The following LSMEM2 variants were observed in gnomAD, a reference collection of about 807,000 sequenced individuals.
LSMEM2 encodes the protein leucine rich single-pass membrane protein 2.
A neutral mutation model predicts 17.3 loss-of-function variants in LSMEM2; 20 were observed. The observed-to-expected ratio is 1.16, with a 90% confidence interval of 0.81 to 1.68. LSMEM2 has a LOEUF of 1.68. Ranked by LOEUF, LSMEM2 falls within the 40% of genes most tolerant of loss-of-function variation. The pLI, the probability that LSMEM2 is intolerant of heterozygous loss-of-function variation, is 0.00. For missense variants in LSMEM2, 207 were observed against 214.3 expected, an observed-to-expected ratio of 0.97 and a Z score of 0.21; for synonymous variants, 94 against 97.8, an observed-to-expected ratio of 0.96 and a Z score of 0.23.
At position 50,286,829 on chromosome 3, in the gene LSMEM2, C is replaced by G. The variant is rs1701555375; in HGVS notation, c.328C>G (p.Leu110Val). Residue 110 changes from leucine to valine, a missense_variant, in exon 3 of 4, where the codon CTA becomes GTA. Coordinates refer to ENST00000316436, the MANE Select transcript of LSMEM2 (RefSeq NM_153215.3). The part of the protein sequence containing the change: ...LLLALLVLTC[L>V]VLALLAVYLS... ...GCTCGCGCTGCTGGTGCTCACTTGC[C>G]TAGTGCTCGCACTCCTGGCTGTCTA... 6.2e-7 allele frequency: 1 copy of G among 1,613,844 alleles called. No individual in the cohort carries two copies. Among genetic ancestry groups the G allele is most frequent in the Non-Finnish European group, 8.5e-7 (1 of 1,180,044 alleles).
intron 1 of LSMEM2, among the ~76,000 whole-genome samples, chr3:50,282,465 C>T (rs1405843535): frequency 6.6e-6 from 1 of 152,172 alleles, no homozygotes; most frequent in Non-Finnish European, 1.5e-5. Context: ...CACCCTTGCT[C>T]CTATCTGGAG....
intron 1 of LSMEM2, 22 bp from the exon 2 acceptor site, chr3:50,286,449 T>G: frequency 6.4e-7 from 1 of 1,574,236 alleles, no homozygotes; most frequent in Non-Finnish European, 8.6e-7. Flanking sequence ...ACTGGCTAAA[T>G]CAGCCTGCGC....
chr3:50,280,796 T>C (rs1701377171), intron 1 of LSMEM2, among the ~76,000 whole-genome samples: 1 of 151,912 alleles, frequency 6.6e-6, no homozygotes. Context: ...GGTTTCACTG[T>C]GTTAGCCGGC....
intron 1 of LSMEM2, among the ~76,000 whole-genome samples, chr3:50,285,945 C>CAA (rs1473234959): frequency 6.6e-6 from 1 of 151,798 alleles, no homozygotes; most frequent in Non-Finnish European, 1.5e-5. Flanking sequence ...AACAGTATAA[C>CAA]AAAGAAGGGT....
chr3:50,287,803 A>T lies in LSMEM2; in HGVS notation c.*601A>T, dbSNP rs1701584679. ...TCCTTAAAAATCAGCACACAAATCC[A>T]TTCCAGGTAGCTTTGCCACCCCACC... On this transcript the variant is annotated 3_prime_UTR_variant, in exon 4 of 4. Transcript: ENST00000316436. The T allele has an allele frequency of 4.0e-6, 1 of 249,904 alleles. No homozygotes were observed. 15.5% of individuals were successfully genotyped at this position (249,904 alleles called of 1,614,324 possible). A position where few individuals can be genotyped will look rare whatever the true frequency, so the allele number is the denominator to read the frequency against.
chr3:50,281,929 G>A (rs1701410384), intron 1 of LSMEM2, among the ~76,000 whole-genome samples: 1 of 151,924 alleles, frequency 6.6e-6, no homozygotes, highest in Non-Finnish European at 1.5e-5. Flanking sequence ...TTGGATCACT[G>A]CAAGCTCCGC....
At chr3:50,280,905 C>T (rs1045120734) in intron 1 of LSMEM2, among the ~76,000 whole-genome samples, 1 of 151,772 alleles carries the variant, frequency 6.6e-6, no homozygotes, top group Non-Finnish European at 1.5e-5. Flanking sequence ...CCACCTTGGC[C>T]TTTCAAAGTG....
intron 1 of LSMEM2, among the ~76,000 whole-genome samples, chr3:50,286,235 G>A (rs1408474878): frequency 6.6e-6 from 1 of 152,182 alleles, no homozygotes; most frequent in East Asian, 1.9e-4. Context: ...TCCCTGGGGT[G>A]CTTGGAAGGA....
Position 50,288,019 on chromosome 3 carries a change from G to A in LSMEM2, c.*817G>A. 3.2e-6 allele frequency: 2 copies of A among 624,860 alleles called. No homozygotes were observed. Among genetic ancestry groups the A allele is most frequent in the South Asian group, 3.6e-5 (2 of 55,056 alleles). 38.7% of individuals were successfully genotyped at this position (624,860 alleles called of 1,614,324 possible). On this transcript the variant is annotated 3_prime_UTR_variant, in exon 4 of 4. Transcript: ENST00000316436. ...CACAGGGCTGAGTGCAGGGACAAAG[G>A]GGTCAGGGTCCCAAGTGTCCGGGCC...
rs182720039 is a variant in LSMEM2 at position 50,286,438 on chromosome 3, C to G, written c.59-33C>G. ...GGTAGAAGGAAGGGGGTTGACCCAC[C>G]ACTGGCTAAATCAGCCTGCGCTGCC... is the stretch of plus-strand genomic sequence containing the variant. On this transcript the variant is annotated intron_variant, in intron 1 of 3. Transcript: ENST00000316436. 18 of 1,560,318 alleles carry G rather than the reference C, an allele frequency of 1.2e-5. 1 individual carries two copies. In the South Asian group the frequency reaches 2.0e-4, roughly 17 times the overall value.
chr3:50,286,332 C>T lies in LSMEM2; in HGVS notation c.59-139C>T, dbSNP rs1701524341. On this transcript the variant is annotated intron_variant, in intron 1 of 3. Coordinates refer to ENST00000316436, the MANE Select transcript of LSMEM2 (RefSeq NM_153215.3). ...TCCTGGATCCAAATCAAGGGTAATT[C>T]CTGAGTCAGTTTTAGGGGATTTGGA... 1.2e-5 allele frequency: 15 copies of T among 1,285,964 alleles called. No individual in the cohort carries two copies. The South Asian group carries it at 2.0e-4, about 17-fold the overall frequency. The allele number at this position is 1,285,964 out of a possible 1,614,324, so 79.7% of individuals were successfully genotyped here.
intron 1 of LSMEM2, among the ~76,000 whole-genome samples, chr3:50,284,720 A>G (rs782648471): frequency 2.0e-5 from 3 of 151,916 alleles, no homozygotes. Context: ...GTGAAAGAGT[A>G]AGAATCTGTC....
At chr3:50,284,096 C>CT (rs1441412001) in intron 1 of LSMEM2, among the ~76,000 whole-genome samples, 1 of 148,940 alleles carries the variant, frequency 6.7e-6, no homozygotes, top group African/African-American at 2.5e-5. Context: ...GTCCCAGCTA[C>CT]TTGGGAGGCT....
intron 1 of LSMEM2, among the ~76,000 whole-genome samples, chr3:50,282,552 T>G (rs1701425960): frequency 6.6e-6 from 1 of 152,192 alleles, no homozygotes; most frequent in Non-Finnish European, 1.5e-5. Context: ...TGGACCAGGA[T>G]TTTTAGACAT....
At chr3:50,282,293 G>A (rs1553707869) in intron 1 of LSMEM2, among the ~76,000 whole-genome samples, 1 of 152,176 alleles carries the variant, frequency 6.6e-6, no homozygotes, top group Admixed American at 6.5e-5. Context: ...CCGGCCCAAA[G>A]AGAGAATTTA....
intron 1 of LSMEM2, among the ~76,000 whole-genome samples, chr3:50,280,177 C>CTTTATTTTTT (rs1553707588): frequency 8.5e-6 from 1 of 117,672 alleles, no homozygotes. Flanking sequence ...CTGGCCTCAA[C>CTTTATTTTTT]TTTTTTTTTT....
intron 1 of LSMEM2, among the ~76,000 whole-genome samples, chr3:50,285,085 G>C (rs1476497063): frequency 6.6e-6 from 1 of 152,020 alleles, no homozygotes; most frequent in African/African-American, 2.4e-5. Flanking sequence ...GTAAATCCCA[G>C]CACTTTGGGA....
chr3:50,286,428 G>T (rs782073390), intron 1 of LSMEM2, 43 bp from the exon 2 acceptor site: 4 of 1,546,260 alleles, frequency 2.6e-6, no homozygotes, highest in Non-Finnish European at 3.5e-6. Context: ...AAGGAAGGGG[G>T]TTGACCCACC....
rs370191615 is a variant in LSMEM2, at chr3:50,286,455, T to C, written c.59-16T>C. The C allele has an allele frequency of 5.2e-5, 83 of 1,581,582 alleles. 2 individuals carry two copies. The Middle Eastern group carries it at 3.3e-3, about 63-fold the overall frequency. On this transcript the variant is annotated splice_polypyrimidine_tract_variant and intron_variant, in intron 1 of 3. Transcript: ENST00000316436. ...TGACCCACCACTGGCTAAATCAGCC[T>C]GCGCTGCCCCTGCAGACTCCGTGGC...
Sources: allele counts gnomAD v4.1 joint callset (sites outside exome capture counted in the v4.1 genomes callset), GRCh38; gene constraint gnomAD v4.1.1; transcripts MANE v1.5; gene names NCBI Gene and HGNC (gene_info 2026-07-23, HGNC 2026-07-21).